The following TMEM260 variants were observed in gnomAD, a reference collection of about 807,000 sequenced individuals.
TMEM260 encodes the protein protein O-mannosyl-transferase TMEM260.
Under a neutral mutation model 88.9 loss-of-function variants are expected in TMEM260, and 82 were observed. The observed-to-expected ratio is 0.92, with a 90% CI of 0.77 to 1.11. The LOEUF (loss-of-function observed/expected upper bound fraction) is 1.11. Ranked by LOEUF, TMEM260 falls within the 50% of genes least tolerant of loss-of-function variation. The pLI, the probability that TMEM260 is intolerant of heterozygous loss-of-function variation, is 0.00. For synonymous variants in TMEM260, 314 were observed against 309.3 expected (o/e 1.02, Z -0.16); for missense variants, 902 against 853.4 (o/e 1.06, Z -0.71).
intron 7 of TMEM260, among the ~76,000 whole-genome samples, chr14:56,614,591 A>G (rs1887489182): frequency 6.6e-6 from 1 of 152,130 alleles, no homozygotes; most frequent in Non-Finnish European, 1.5e-5. Flanking sequence ...CCTAGACCAT[A>G]TGTCTAACTT....
downstream of TMEM260, among the ~76,000 whole-genome samples, chr14:56,651,691 G>A (rs565384728): frequency 3.9e-5 from 6 of 152,316 alleles, no homozygotes; most frequent in East Asian, 1.2e-3. Context: ...CTGCAGAGTT[G>A]CAAGTCTTCT....
rs536681726 is a variant in TMEM260, at chr14:56,640,810, A to T, written c.1869+4212A>T. On this transcript the variant is annotated intron_variant, in intron 15 of 15. Transcript: ENST00000261556. ...TGCAGAGAAGTCCTTAAAGGACCTG[A>T]TGGAGCTGAAAACCACAGCACGAGA... Among the ~76,000 whole-genome samples the T allele has an allele frequency of 6.6e-5, 10 of 151,916 alleles. No individual in the cohort carries two copies. In the East Asian group the frequency reaches 2.0e-3, roughly 30 times the overall value.
At chr14:56,657,885 T>A in the TMEM260 span, among the ~76,000 whole-genome samples, 1 of 152,174 alleles carries the variant, frequency 6.6e-6, no homozygotes, top group Non-Finnish European at 1.5e-5. Context: ...CATGAGTAAT[T>A]CTCTGCTTTC....
chr14:56,656,136 G>A, the TMEM260 span, among the ~76,000 whole-genome samples: 2 of 152,120 alleles, frequency 1.3e-5, no homozygotes, highest in African/African-American at 4.8e-5. Context: ...TTCTGTGTGG[G>A]CCAAGCACAG....
downstream of TMEM260, among the ~76,000 whole-genome samples, chr14:56,652,489 C>CAAAAAAAAAAA (rs34203722): frequency 8.7e-6 from 1 of 115,192 alleles, no homozygotes. Flanking sequence ...CAGAGTGTCT[C>CAAAAAAAAAAA]AAAAAAAAAA....
the TMEM260 span, among the ~76,000 whole-genome samples, chr14:56,662,608 A>AAC: frequency 6.6e-6 from 1 of 152,198 alleles, no homozygotes; most frequent in African/African-American, 2.4e-5. Flanking sequence ...ACTGCCTTTC[A>AAC]ACACACACAC....
chr14:56,633,200 T>G, intron 13 of TMEM260, 29 bp downstream of exon 13: 1 of 1,562,254 alleles, frequency 6.4e-7, no homozygotes, highest in Non-Finnish European at 8.7e-7. Flanking sequence ...TTTTGATGCA[T>G]ATAAACATAG....
chr14:56,611,730 C>T (rs928318599), intron 6 of TMEM260, among the ~76,000 whole-genome samples: 1 of 152,156 alleles, frequency 6.6e-6, no homozygotes, highest in African/African-American at 2.4e-5. Flanking sequence ...TCTAAAGATA[C>T]ATACACACGT....
At chr14:56,653,242 A>C (rs992064093), downstream of TMEM260, among the ~76,000 whole-genome samples, 1 of 152,174 alleles carries the variant, frequency 6.6e-6, no homozygotes, top group Non-Finnish European at 1.5e-5. Flanking sequence ...AATGCATTCG[A>C]GGTAACAAAG....
downstream of TMEM260, among the ~76,000 whole-genome samples, chr14:56,655,078 A>G (rs1307571716): frequency 6.6e-6 from 1 of 152,038 alleles, no homozygotes; most frequent in Non-Finnish European, 1.5e-5. Context: ...AATTTCCTTC[A>G]TTTACTCTCA....
At position 56,647,251 on chromosome 14, in the gene TMEM260, G is replaced by A; in HGVS notation, c.1878G>A (p.Lys626=). 6.2e-7 allele frequency: 1 copy of A among 1,611,798 alleles called. No individual in the cohort carries two copies. Among genetic ancestry groups the A allele is most frequent in the Non-Finnish European group, 8.5e-7 (1 of 1,179,024 alleles). The change falls in exon 16 of 16, where the codon AAG becomes AAA. Residue 626 remains lysine (K), a synonymous_variant. Transcript: ENST00000261556. ...TTTCTGCTGTTTTCTAGCTTTATAAGGAGATTGTCTATTTACAAAAGGAGC... is the reference window on the plus strand; with the variant it reads ...TTTCTGCTGTTTTCTAGCTTTATAAAGAGATTGTCTATTTACAAAAGGAGC... The part of the protein sequence containing the change: ...QLYAQAYDLY[K]EIVYLQKEHP...
downstream of TMEM260, chr14:56,650,385 C>T (rs990890484): frequency 1.8e-5 from 4 of 221,774 alleles, no homozygotes; most frequent in African/African-American, 9.2e-5. Flanking sequence ...CCCATGTTAT[C>T]TGACTAACCA....
At position 56,618,720 on chromosome 14, in the gene TMEM260, T is replaced by C. The variant is rs749814417; in HGVS notation, c.1183T>C (p.Ser395Pro). 7 of 1,614,234 alleles carry C rather than the reference T, an allele frequency of 4.3e-6. No homozygotes were observed. In the Admixed American group the frequency reaches 1.2e-4, roughly 27 times the overall value. ...TGGGCTTCAGTGTCTGGAATGGCTT[T>C]CTGCAACTCTTTTTGTAGTTTACCA... ...SNGLQCLEWLSATLFVVYQIY... is the reference protein window; with the variant it reads ...SNGLQCLEWLPATLFVVYQIY... The change falls in exon 10 of 16, where the codon TCT (serine) becomes CCT (proline). Residue 395 changes from serine (S) to proline (P), a missense_variant. Coordinates refer to ENST00000261556, the MANE Select transcript of TMEM260 (RefSeq NM_017799.4).
chr14:56,629,271 GTT>G (rs60646032), intron 12 of TMEM260, among the ~76,000 whole-genome samples: 70 of 137,464 alleles, frequency 5.1e-4, no homozygotes, highest in African/African-American at 1.8e-3. Flanking sequence ...TGTTTTTGTT[GTT>G]TTTTTTTTTT....
In TMEM260 at chr14:56,618,658, C is replaced by T. The variant is rs767176382; in HGVS notation, c.1121C>T (p.Ala374Val). The T allele has an allele frequency of 2.5e-6, 4 of 1,614,062 alleles. No homozygotes were observed. Among genetic ancestry groups the T allele is most frequent in the Admixed American group, 3.3e-5 (2 of 60,008 alleles). The change falls in exon 10 of 16, where the codon GCA becomes GTA. Residue 374 changes from alanine to valine, a missense_variant. Transcript: ENST00000261556. ...GTCCTCGCTGGCATTGGTTTGGCTG[C>T]AGTTGTGTCTGAGACTAACCGAGTG... ...VAVLAGIGLA[A>V]VVSETNRVLN... is the part of the protein sequence containing the mutation.
At chr14:56,662,555 C>A in the TMEM260 span, among the ~76,000 whole-genome samples, 1 of 152,336 alleles carries the variant, frequency 6.6e-6, no homozygotes, top group South Asian at 2.1e-4. Context: ...AGAACCACCC[C>A]TGTGCCCACT....
chr14:56,590,073 G>A (rs944933308), intron 3 of TMEM260, among the ~76,000 whole-genome samples: 13 of 152,138 alleles, frequency 8.5e-5, no homozygotes, highest in Admixed American at 6.5e-4. Flanking sequence ...GTACTGGAGC[G>A]TTAATTTCCA....
Position 56,605,835 on chromosome 14 carries a change from A to G in TMEM260, c.636+152A>G. The G allele has an allele frequency of 6.1e-6, 3 of 492,470 alleles. No homozygotes were observed. In the South Asian group the frequency reaches 1.2e-4, roughly 20 times the overall value. The allele number at this position is 492,470 out of a possible 1,614,324, so 30.5% of individuals were successfully genotyped here. On this transcript the variant is annotated intron_variant, in intron 5 of 15. Transcript: ENST00000261556. ...GGCCTAACAATATTGACTGAAAAAA[A>G]TAGGATTTACAAAAATTATGCAGTA...
intron 15 of TMEM260, among the ~76,000 whole-genome samples, 169 bp downstream of exon 15, chr14:56,636,767 ATCCAAAGTAAATGGCTG>A (rs1483071130): frequency 6.6e-6 from 1 of 152,158 alleles, no homozygotes; most frequent in Non-Finnish European, 1.5e-5. Context: ...GTATCACAGT[ATCCAAAGTAAATGGCTG>A]TGGTAGGCAG....
Sources: gnomAD v4.1 joint callset for allele counts (sites outside exome capture counted in the v4.1 genomes callset) on GRCh38, gnomAD v4.1.1 for gene constraint, MANE v1.5 for transcripts, NCBI Gene and HGNC (gene_info 2026-07-23, HGNC 2026-07-21) for gene names.